The following HPSE2 variants were observed in gnomAD, a reference collection of about 807,000 sequenced individuals.
The protein encoded by HPSE2 is heparanase 2 (inactive).
A neutral mutation model predicts 60.5 loss-of-function variants in HPSE2; 38 were observed. The observed-to-expected ratio is 0.63, with a 90% confidence interval of 0.48 to 0.82. HPSE2 has a LOEUF of 0.82. HPSE2 is among the 40% of genes least tolerant of loss of function. The pLI is 0.00. For missense variants in HPSE2, 713 were observed against 740.4 expected (o/e 0.96, Z 0.43); for synonymous variants, 295 against 293.2 (o/e 1.01, Z -0.06).
At chr10:98,772,620 C>T (rs1340765148) in intron 3 of HPSE2, among the ~76,000 whole-genome samples, 1 of 152,172 alleles carries the variant, frequency 6.6e-6, no homozygotes, top group Non-Finnish European at 1.5e-5. Flanking sequence ...TATTATCATG[C>T]CCTCCTTATT....
chr10:98,817,112 G>A (rs1394462710), intron 3 of HPSE2, among the ~76,000 whole-genome samples: 3 of 152,014 alleles, frequency 2.0e-5, no homozygotes, highest in Admixed American at 6.6e-5. Context: ...ATTTGGGGAC[G>A]TTGTTCCATT....
In HPSE2 at chr10:98,865,128, T is replaced by A. The variant is rs1952557220; in HGVS notation, c.611-121072A>T. Among the ~76,000 whole-genome samples the A allele has an allele frequency of 5.3e-5, 8 of 152,188 alleles. No homozygotes were observed. The South Asian group carries it at 1.7e-3, about 32-fold the overall frequency. ...TGAAACCCAATAATCATACTCCTAG[T>A]TAGGAGAGGAACTAAGACTTAAATT... On this transcript the variant is annotated intron_variant, in intron 3 of 11. Transcript: ENST00000370552.
intron 3 of HPSE2, among the ~76,000 whole-genome samples, chr10:99,104,641 A>G (rs796682279): frequency 6.6e-5 from 10 of 152,336 alleles, no homozygotes; most frequent in African/African-American, 2.2e-4. Context: ...TCTTCACAAC[A>G]GCAAAGACTT....
At chr10:98,948,736 G>A (rs1362743008) in intron 3 of HPSE2, among the ~76,000 whole-genome samples, 2 of 151,926 alleles carry the variant, frequency 1.3e-5, no homozygotes, top group East Asian at 3.9e-4. Flanking sequence ...TTCACCCTCT[G>A]CCACCCTGAG....
intron 3 of HPSE2, among the ~76,000 whole-genome samples, chr10:98,977,594 G>A (rs955213409): frequency 6.6e-6 from 1 of 152,072 alleles, no homozygotes; most frequent in Non-Finnish European, 1.5e-5. Context: ...GGTAGAGTCT[G>A]GCAAGCAAGT....
At chr10:99,122,139 TCAAAA>T (rs1564824724) in intron 3 of HPSE2, among the ~76,000 whole-genome samples, 1 of 152,014 alleles carries the variant, frequency 6.6e-6, no homozygotes, top group African/African-American at 2.4e-5. Context: ...AGAAAACCAA[TCAAAA>T]TATTTTTGTC....
intron 3 of HPSE2, among the ~76,000 whole-genome samples, chr10:98,998,055 T>C (rs916791804): frequency 2.0e-5 from 3 of 152,240 alleles, no homozygotes; most frequent in Non-Finnish European, 2.9e-5. Flanking sequence ...CCACTAGCCA[T>C]GCCCAAAACA....
At chr10:98,766,766 A>C (rs1357594905) in intron 3 of HPSE2, among the ~76,000 whole-genome samples, 2 of 152,114 alleles carry the variant, frequency 1.3e-5, no homozygotes, top group Admixed American at 1.3e-4. Context: ...CTCTACTAAA[A>C]ATACAAAAAT....
At chr10:98,741,335 G>A (rs1486643255) in intron 4 of HPSE2, among the ~76,000 whole-genome samples, 1 of 151,944 alleles carries the variant, frequency 6.6e-6, no homozygotes, top group Non-Finnish European at 1.5e-5. Flanking sequence ...AACCCCTGAG[G>A]AGGCACTTTA....
intron 3 of HPSE2, among the ~76,000 whole-genome samples, chr10:98,749,370 ATATC>A (rs1052115967): frequency 3.6e-4 from 54 of 151,986 alleles, no homozygotes; most frequent in African/African-American, 1.2e-3. Context: ...GCATGCATAT[ATATC>A]TATATATACA....
intron 3 of HPSE2, among the ~76,000 whole-genome samples, chr10:99,015,724 C>T (rs1030988178): frequency 2.6e-5 from 4 of 151,988 alleles, no homozygotes; most frequent in South Asian, 2.1e-4. Context: ...TGTTAAAGGA[C>T]GAGTTAATGG....
chr10:99,086,277 C>G lies in HPSE2; in HGVS notation c.610+57961G>C, dbSNP rs190126795. On this transcript the variant is annotated intron_variant, in intron 3 of 11. Coordinates refer to ENST00000370552, the MANE Select transcript of HPSE2 (RefSeq NM_021828.5). ...AATGTTACTTTAAGTGAATTGAAGA[C>G]TTGAAGAAAAGGAATTATTATTAAC... 1.6e-4 allele frequency among the ~76,000 whole-genome samples: 24 copies of G among 149,962 alleles called. No individual in the cohort carries two copies. The East Asian group carries it at 4.5e-3, about 28-fold the overall frequency.
At chr10:98,775,805 CA>C (rs1950327925) in intron 3 of HPSE2, among the ~76,000 whole-genome samples, 1 of 152,162 alleles carries the variant, frequency 6.6e-6, no homozygotes, top group Non-Finnish European at 1.5e-5. Context: ...GAACAACTCA[CA>C]GGCATTTCAA....
At chr10:99,173,084 A>AG (rs1016090528) in intron 2 of HPSE2, among the ~76,000 whole-genome samples, 11 of 152,130 alleles carry the variant, frequency 7.2e-5, no homozygotes, top group African/African-American at 2.7e-4. Flanking sequence ...GGAGTATAGT[A>AG]GGGTGGGAAG....
chr10:98,596,235 T>C (rs566172032), intron 9 of HPSE2, among the ~76,000 whole-genome samples: 1 of 152,330 alleles, frequency 6.6e-6, no homozygotes, highest in East Asian at 1.9e-4. Context: ...ACCTACACTT[T>C]TACTCTCTGC....
intron 3 of HPSE2, among the ~76,000 whole-genome samples, chr10:98,779,988 T>A (rs954123669): frequency 5.9e-5 from 9 of 152,144 alleles, no homozygotes; most frequent in Admixed American, 5.9e-4. Flanking sequence ...TCATAATATA[T>A]ATTTTTTTCT....
intron 6 of HPSE2, among the ~76,000 whole-genome samples, chr10:98,690,454 T>C (rs1948048751): frequency 6.6e-6 from 1 of 152,138 alleles, no homozygotes; most frequent in Non-Finnish European, 1.5e-5. Flanking sequence ...GGCAGGAGAA[T>C]GGCATGAACT....
chr10:98,640,640 G>A (rs1454941257), intron 7 of HPSE2, among the ~76,000 whole-genome samples: 1 of 151,898 alleles, frequency 6.6e-6, no homozygotes, highest in East Asian at 1.9e-4. Context: ...ATTTATTGAG[G>A]GCCTACCTGT....
intron 9 of HPSE2, among the ~76,000 whole-genome samples, chr10:98,597,502 T>TA (rs371169905): frequency 0.39 from 54,066 of 138,440 alleles, 10,159 homozygotes; most frequent in East Asian, 0.51. Flanking sequence ...CTGTTTCTAC[T>TA]AAAAAAAAAA....
Sources: gnomAD v4.1 joint callset for allele counts (sites outside exome capture counted in the v4.1 genomes callset) on GRCh38, gnomAD v4.1.1 for gene constraint, MANE v1.5 for transcripts, NCBI Gene and HGNC (gene_info 2026-07-23, HGNC 2026-07-21) for gene names.